Variants in TOM1L1 observed in about 807,000 individuals in gnomAD.
TOM1L1 encodes the protein target of myb1 like 1 membrane trafficking protein, also known as TOM1-like protein 1.
TOM1L1 carries 64 observed loss-of-function variants against 63.4 expected under a neutral mutation model. That is an observed-to-expected ratio of 1.01 (90% CI 0.83 to 1.24). TOM1L1 has a LOEUF of 1.24. TOM1L1 is among the 50% of genes most tolerant of loss of function. The pLI is 0.00. For synonymous variants in TOM1L1, 166 were observed against 194.4 expected, an observed-to-expected ratio of 0.85 and a Z score of 1.22; for missense variants, 536 against 567.0, an observed-to-expected ratio of 0.95 and a Z score of 0.55.
chr17:54,916,760 CAAT>C lies in TOM1L1; in HGVS notation c.720+899_720+901del, dbSNP rs557203255. ...AAAAAAATTGTAAAAATTTTCCCAA[CAAT>C]GTTTCTTAGATATCACTGCTGTCGT... On this transcript the variant is annotated intron_variant, in intron 7 of 15. Transcript: ENST00000575882. The C allele has an allele frequency of 3.7e-3, 569 of 152,262 alleles. 2 individuals carry two copies. Among genetic ancestry groups the C allele is most frequent in the African/African-American group, 0.013 (532 of 41,558 alleles). 9.4% of individuals were successfully genotyped at this position (152,262 alleles called of 1,614,324 possible).
At chr17:54,951,737 C>A (rs1010585388) in intron 14 of TOM1L1, among the ~76,000 whole-genome samples, 1 of 152,208 alleles carries the variant, frequency 6.6e-6, no homozygotes, top group African/African-American at 2.4e-5. Context: ...TCTGTCAACA[C>A]GAAGCCTGAA....
chr17:54,923,927 G>A (rs2048725021), intron 7 of TOM1L1, among the ~76,000 whole-genome samples: 1 of 152,056 alleles, frequency 6.6e-6, no homozygotes, highest in Admixed American at 6.6e-5. Context: ...GGGAGGTGGA[G>A]GTTGCAGTGA....
intron 7 of TOM1L1, among the ~76,000 whole-genome samples, chr17:54,922,871 C>T (rs903318856): frequency 6.6e-6 from 1 of 152,104 alleles, no homozygotes; most frequent in African/African-American, 2.4e-5. Context: ...TTCATTACCC[C>T]AAAAGGAAAC....
chr17:54,951,964 A>G (rs902215004), intron 14 of TOM1L1: 2 of 152,204 alleles, frequency 1.3e-5, no homozygotes, highest in Non-Finnish European at 2.9e-5. Context: ...AGGATCAGAA[A>G]GCGTTCTTCT....
chr17:54,949,638 A>C lies in TOM1L1; in HGVS notation c.1288+15A>C. 6.3e-7 allele frequency: 1 copy of C among 1,583,346 alleles called. No homozygotes were observed. The highest frequency in any genetic ancestry group is 8.7e-7 in the Non-Finnish European group (1 of 1,152,030). Reference sequence around the variant, plus strand: ...CAATCATCCAGGTACATGGGACCTTATTATTCGCATCAAATAAGGAAACTT... The same window carrying C: ...CAATCATCCAGGTACATGGGACCTTCTTATTCGCATCAAATAAGGAAACTT... On this transcript the variant is annotated intron_variant, in intron 13 of 15. Coordinates refer to ENST00000575882, the MANE Select transcript of TOM1L1 (RefSeq NM_005486.3).
chr17:54,949,857 G>C (rs907303780), intron 13 of TOM1L1, among the ~76,000 whole-genome samples, 188 bp from the exon 14 acceptor site: 1 of 152,132 alleles, frequency 6.6e-6, no homozygotes, highest in African/African-American at 2.4e-5. Context: ...TGAATCTTTA[G>C]TTGAGGTTTG....
chr17:54,939,021 G>T lies in TOM1L1; in HGVS notation c.1130+1G>T, dbSNP rs181048567. The T allele has an allele frequency of 6.3e-7, 1 of 1,580,248 alleles. No individual in the cohort carries two copies. Among genetic ancestry groups the T allele is most frequent in the East Asian group, 2.2e-5 (1 of 44,614 alleles). On this transcript the variant is annotated splice_donor_variant, in intron 11 of 15. Transcript: ENST00000575882. LOFTEE classifies it high-confidence loss of function. ...CCTTGGAGAATACAGAGATACCCCC[G>T]TAAGTATGTCAGTAACACTGCAGAA...
chr17:54,912,370 A>G (rs922333007), intron 3 of TOM1L1, among the ~76,000 whole-genome samples: 4 of 152,142 alleles, frequency 2.6e-5, no homozygotes, highest in Non-Finnish European at 4.4e-5. Context: ...TCCATAGCTC[A>G]TATGTTTGGC....
At chr17:54,904,846 T>C (rs1266075532) in intron 2 of TOM1L1, among the ~76,000 whole-genome samples, 2 of 152,244 alleles carry the variant, frequency 1.3e-5, no homozygotes, top group Non-Finnish European at 2.9e-5. Flanking sequence ...AACTTAATTA[T>C]TGATTATAAA....
chr17:54,949,870 A>C (rs2049183966), intron 13 of TOM1L1, among the ~76,000 whole-genome samples, 175 bp from the exon 14 acceptor site: 1 of 151,854 alleles, frequency 6.6e-6, no homozygotes, highest in Admixed American at 6.5e-5. Flanking sequence ...GAGGTTTGGA[A>C]ACCTTTTTGA....
At chr17:54,942,860 C>A (rs1200115374) in intron 11 of TOM1L1, among the ~76,000 whole-genome samples, 1 of 152,154 alleles carries the variant, frequency 6.6e-6, no homozygotes, top group African/African-American at 2.4e-5. Context: ...CCCTCAATCC[C>A]CAGCAGCCAG....
chr17:54,953,781 T>C (rs1036109627), intron 14 of TOM1L1: 7 of 152,128 alleles, frequency 4.6e-5, no homozygotes, highest in African/African-American at 1.7e-4. Flanking sequence ...TGTCTACCAG[T>C]TGGAAAGGGG....
rs975604746 is a variant in TOM1L1 at position 54,950,062 on chromosome 17, C to G, written c.1306C>G (p.Leu436Val). 1 of 1,613,830 alleles carries G rather than the reference C, an allele frequency of 6.2e-7. No homozygotes were observed. Among genetic ancestry groups the G allele is most frequent in the Non-Finnish European group, 8.5e-7 (1 of 1,179,924 alleles). ...SNHPAMTKSD[L>V]QPPNYYEVME... ...GCCCAAAGCGATGACAAAAAGTGATCTCCAGCCACCTAATTACTACGAGGT... is the reference window on the plus strand; with the variant it reads ...GCCCAAAGCGATGACAAAAAGTGATGTCCAGCCACCTAATTACTACGAGGT... Residue 436 changes from leucine to valine, a missense_variant, in exon 14 of 16, where the codon CTC becomes GTC. By Grantham distance (32) the Leu-to-Val change is conservative. Coordinates refer to ENST00000575882, the MANE Select transcript of TOM1L1 (RefSeq NM_005486.3).
Position 54,960,547 on chromosome 17 carries a change from T to A in TOM1L1, c.1371-19T>A, listed in dbSNP as rs1211790419. 6.2e-7 allele frequency: 1 copy of A among 1,607,934 alleles called. No individual in the cohort carries two copies. The highest frequency in any genetic ancestry group is 2.2e-5 in the East Asian group (1 of 44,802). On this transcript the variant is annotated intron_variant, in intron 14 of 15. Coordinates refer to ENST00000575882, the MANE Select transcript of TOM1L1 (RefSeq NM_005486.3). The stretch of plus-strand genomic sequence containing the variant: ...TGAAATTGATACATAACCCTTTTGC[T>A]GTGATGGCTTTGTTTCAGAGCTATT...
At chr17:54,958,021 T>C (rs1047705843) in intron 14 of TOM1L1, 4 of 96,388 alleles carry the variant, frequency 4.1e-5, no homozygotes, top group African/African-American at 1.2e-4. Context: ...GCATTAATGC[T>C]GAGGCCTGCA....
At chr17:54,935,850 C>T (rs1195149926) in intron 8 of TOM1L1, among the ~76,000 whole-genome samples, 1 of 152,130 alleles carries the variant, frequency 6.6e-6, no homozygotes, top group Non-Finnish European at 1.5e-5. Flanking sequence ...AGGCCGGGCG[C>T]GGTGGCTCAT....
chr17:54,925,055 T>C (rs1016919047), intron 7 of TOM1L1, among the ~76,000 whole-genome samples: 6 of 152,266 alleles, frequency 3.9e-5, no homozygotes, highest in African/African-American at 1.4e-4. Context: ...TCTAAAGATG[T>C]GTTTTTATGC....
intron 3 of TOM1L1, among the ~76,000 whole-genome samples, chr17:54,906,437 C>G (rs2048411091): frequency 6.6e-6 from 1 of 150,780 alleles, no homozygotes; most frequent in East Asian, 2.0e-4. Flanking sequence ...CCACTGTCCT[C>G]CAGTCCTCCA....
intron 14 of TOM1L1, among the ~76,000 whole-genome samples, chr17:54,950,621 A>G (rs1479654719): frequency 2.6e-5 from 4 of 152,206 alleles, no homozygotes; most frequent in Non-Finnish European, 5.9e-5. Context: ...CAAGATATAT[A>G]AATATTAATG....
Sources: gnomAD v4.1 joint callset for allele counts (sites outside exome capture counted in the v4.1 genomes callset) on GRCh38, gnomAD v4.1.1 for gene constraint, MANE v1.5 for transcripts, NCBI Gene and HGNC (gene_info 2026-07-23, HGNC 2026-07-21) for gene names.